Variants in PREX2 observed in about 807,000 individuals in gnomAD.
PREX2 encodes phosphatidylinositol-3,4,5-trisphosphate dependent Rac exchange factor 2, also known as phosphatidylinositol 3,4,5-trisphosphate-dependent Rac exchanger 2 protein.
Under a neutral mutation model 203.2 loss-of-function variants are expected in PREX2, and 107 were observed. The ratio of observed to expected loss-of-function variants is 0.53; its 90% CI spans 0.45 to 0.62. PREX2 has a LOEUF of 0.62. Ranked by LOEUF, PREX2 falls within the 20% of genes least tolerant of loss-of-function variation. The pLI is 0.00. For synonymous variants in PREX2, 672 were observed against 663.6 expected (o/e 1.01, Z -0.19); for missense variants, 1,777 against 1,955.9 (o/e 0.91, Z 1.72).
chr8:67,997,713 A>G (rs527986106), intron 1 of PREX2, among the ~76,000 whole-genome samples: 39 of 152,268 alleles, frequency 2.6e-4, no homozygotes, highest in African/African-American at 8.7e-4. Context: ...GGAAAACTCA[A>G]TATTTTTAAG....
intron 26 of PREX2, among the ~76,000 whole-genome samples, chr8:68,117,956 T>G (rs1354609282): frequency 1.3e-5 from 2 of 152,208 alleles, no homozygotes; most frequent in African/African-American, 4.8e-5. Context: ...TATAAAGAAT[T>G]TTAAGTTTGG....
Position 68,157,317 on chromosome 8 carries a change from C to A in PREX2, c.4232-5C>A. 2.7e-6 allele frequency: 4 copies of A among 1,502,404 alleles called. No homozygotes were observed. Among genetic ancestry groups the A allele is most frequent in the African/African-American group, 1.4e-5 (1 of 72,672 alleles). The allele number at this position is 1,502,404 out of a possible 1,614,324, so 93.1% of individuals were successfully genotyped here. ...CTTGTAAAATATGTTTACTTGTTTA[C>A]ACAGCACTAGAGAGCATGGAAGGAT... On this transcript the variant is annotated splice_region_variant and splice_polypyrimidine_tract_variant and intron_variant, in intron 34 of 39. Coordinates refer to ENST00000288368, the MANE Select transcript of PREX2 (RefSeq NM_024870.4).
rs1174357231 is a variant in PREX2 at position 68,080,852 on chromosome 8, G to A, written c.1878+14G>A. On this transcript the variant is annotated intron_variant, in intron 17 of 39. Transcript: ENST00000288368. ...TCTAATGCTGAGGTAATGTAAATTA[G>A]CGTTTTAATTTAAATTTGTTATCAT... 7.6e-7 allele frequency: 1 copy of A among 1,308,636 alleles called. No homozygotes were observed. The highest frequency in any genetic ancestry group is 1.1e-6 in the Non-Finnish European group (1 of 919,642). The allele number at this position is 1,308,636 out of a possible 1,614,324, so 81.1% of individuals were successfully genotyped here.
intron 30 of PREX2, among the ~76,000 whole-genome samples, chr8:68,121,299 G>A (rs964958562): frequency 6.6e-5 from 10 of 151,736 alleles, no homozygotes; most frequent in African/African-American, 2.2e-4. Flanking sequence ...AAGTTATGAA[G>A]ACAAATAGAA....
At chr8:68,100,002 A>C in intron 23 of PREX2, 159 bp downstream of exon 23, 1 of 769,194 alleles carries the variant, frequency 1.3e-6, no homozygotes, top group Non-Finnish European at 2.3e-6. Flanking sequence ...AAATGGCTTA[A>C]CATCCATTAC....
chr8:68,148,759 T>G (rs1166933697), intron 34 of PREX2, among the ~76,000 whole-genome samples: 2 of 152,242 alleles, frequency 1.3e-5, no homozygotes, highest in African/African-American at 4.8e-5. Context: ...CTTCTACAGT[T>G]GAGGTCACAG....
intron 11 of PREX2, among the ~76,000 whole-genome samples, chr8:68,065,108 G>T (rs967688266): frequency 6.6e-6 from 1 of 152,158 alleles, no homozygotes; most frequent in South Asian, 2.1e-4. Context: ...ACAGTTCAGC[G>T]TTTTTCTAAG....
At chr8:67,987,463 T>C (rs1467432703) in intron 1 of PREX2, among the ~76,000 whole-genome samples, 1 of 152,150 alleles carries the variant, frequency 6.6e-6, no homozygotes, top group African/African-American at 2.4e-5. Context: ...GGGAGATTGA[T>C]GTGCACTGGG....
At chr8:68,083,962 A>G (rs929491801) in intron 18 of PREX2, among the ~76,000 whole-genome samples, 2 of 152,188 alleles carry the variant, frequency 1.3e-5, no homozygotes, top group African/African-American at 4.8e-5. Context: ...TTCTTGCAAT[A>G]TCACCCATAA....
intron 32 of PREX2, among the ~76,000 whole-genome samples, chr8:68,135,140 G>A (rs2129613425): frequency 1.9e-5 from 2 of 106,058 alleles, no homozygotes; most frequent in South Asian, 5.7e-4. Context: ...ACATATGATA[G>A]GAAGCCTACT....
Position 68,069,137 on chromosome 8 carries a change from G to C in PREX2, c.1443+1G>C. 1 of 1,467,474 alleles carries C rather than the reference G, an allele frequency of 6.8e-7. No individual in the cohort carries two copies. Among genetic ancestry groups the C allele is most frequent in the Non-Finnish European group, 9.4e-7 (1 of 1,067,404 alleles). 90.9% of individuals were successfully genotyped at this position (1,467,474 alleles called of 1,614,324 possible). A position where few individuals can be genotyped will look rare whatever the true frequency, so the allele number is the denominator to read the frequency against. On this transcript the variant is annotated splice_donor_variant, in intron 12 of 39. Coordinates refer to ENST00000288368, the MANE Select transcript of PREX2 (RefSeq NM_024870.4). LOFTEE classifies it high-confidence loss of function. ...TGAGATGCAGGACGTGATTTCAAAG[G>C]TAACGACCTCTCCCACAACCTCTCC...
intron 31 of PREX2, among the ~76,000 whole-genome samples, chr8:68,131,504 A>G (rs1206812966): frequency 6.6e-6 from 1 of 152,184 alleles, no homozygotes. Flanking sequence ...ATTCAGTGTT[A>G]AACATTTGAA....
chr8:67,968,971 G>A (rs1193294060), intron 1 of PREX2, among the ~76,000 whole-genome samples: 1 of 152,180 alleles, frequency 6.6e-6, no homozygotes, highest in East Asian at 1.9e-4. Context: ...CTTGAACTCT[G>A]TAACAGAATT....
chr8:68,227,462 A>G (rs777445954), intron 39 of PREX2, among the ~76,000 whole-genome samples: 1 of 152,196 alleles, frequency 6.6e-6, no homozygotes, highest in African/African-American at 2.4e-5. Context: ...TTGAGCATCA[A>G]TCCTCATCCC....
intron 1 of PREX2, among the ~76,000 whole-genome samples, chr8:67,975,157 A>G (rs968727347): frequency 1.3e-5 from 2 of 150,946 alleles, no homozygotes; most frequent in Non-Finnish European, 3.0e-5. Context: ...ACTGTAGCTC[A>G]CCCTGACCTA....
intron 23 of PREX2, chr8:68,106,269 C>T (rs978626397): frequency 1.6e-5 from 8 of 501,758 alleles, no homozygotes; most frequent in Non-Finnish European, 3.1e-5. Context: ...CCTGCAATAA[C>T]AGTGGGAAAG....
At chr8:68,231,224 G>A in intron 39 of PREX2, 109 bp from the exon 40 acceptor site, 4 of 727,536 alleles carry the variant, frequency 5.5e-6, no homozygotes, top group Non-Finnish European at 4.1e-6. Flanking sequence ...ATCCGATCAT[G>A]ACTCACGAAA....
intron 10 of PREX2, among the ~76,000 whole-genome samples, chr8:68,057,744 G>C (rs1255201238): frequency 1.3e-5 from 2 of 152,224 alleles, no homozygotes. Flanking sequence ...TGGCTTCCCA[G>C]TAGGTTTTAA....
At chr8:68,192,756 T>C (rs1183660711) in intron 37 of PREX2, 2 of 404,084 alleles carry the variant, frequency 4.9e-6, no homozygotes, top group Non-Finnish European at 8.8e-6. Flanking sequence ...CAAAATCTTA[T>C]CATAGTTGCA....
Sources: allele counts gnomAD v4.1 joint callset (sites outside exome capture counted in the v4.1 genomes callset), GRCh38; gene constraint gnomAD v4.1.1; transcripts MANE v1.5; gene names NCBI Gene and HGNC (gene_info 2026-07-23, HGNC 2026-07-21).